SART1: variants seen among roughly 807,000 people sequenced by gnomAD.
SART1 encodes spliceosome associated factor 1, recruiter of U4/U6.U5 tri-snRNP.
SART1 carries 28 observed loss-of-function variants against 105.0 expected under a neutral mutation model. The ratio of observed to expected loss-of-function variants is 0.27; its 90% CI spans 0.20 to 0.37. The LOEUF (loss-of-function observed/expected upper bound fraction) is 0.37, where lower values mean the gene tolerates loss of function less well. SART1 is among the 10% of genes least tolerant of loss of function. The pLI is 1.00. For missense variants in SART1, 894 were observed against 1,106.5 expected, an observed-to-expected ratio of 0.81 and a Z score of 2.72; for synonymous variants, 472 against 462.9, an observed-to-expected ratio of 1.02 and a Z score of -0.25.
In SART1 at chr11:65,976,624, G is replaced by A. The variant is rs777282037; in HGVS notation, c.1747-32G>A. 1 of 1,613,414 alleles carries A rather than the reference G, an allele frequency of 6.2e-7. No individual in the cohort carries two copies. The highest frequency in any genetic ancestry group is 8.5e-7 in the Non-Finnish European group (1 of 1,179,794). On this transcript the variant is annotated intron_variant, in intron 13 of 19. Coordinates refer to ENST00000312397, the MANE Select transcript of SART1 (RefSeq NM_005146.5). This position sits in a 1 kb window ranked among gnomAD's most constrained non-coding sequence, Gnocchi z 5.1. ...CCCTCGGCTGGGTGGGCTGGCTGGG[G>A]CCTGGGCCGACCCTGGTCTTTTGTG... is the stretch of plus-strand genomic sequence containing the variant.
rs144821079 is a variant in SART1, at chr11:65,963,385, G to T, written c.314-689G>T. Among the ~76,000 whole-genome samples, 1,228 of 152,262 alleles carry T rather than the reference G, an allele frequency of 8.1e-3. 17 individuals carry two copies. Among genetic ancestry groups the T allele is most frequent in the African/African-American group, 0.027 (1,125 of 41,522 alleles). On this transcript the variant is annotated intron_variant, in intron 1 of 19. Transcript: ENST00000312397. The stretch of plus-strand genomic sequence containing the variant: ...TGGTGACCTTGGGGAGCCTGGAGAG[G>T]TTGGGATCCATGGCCCAGGTGGAGA...
Position 65,967,753 on chromosome 11 carries a change from C to T in SART1, c.1504C>T (p.Gln502Ter). The T allele has an allele frequency of 6.4e-7, 1 of 1,552,458 alleles. No individual in the cohort carries two copies. Among genetic ancestry groups the T allele is most frequent in the Non-Finnish European group, 8.7e-7 (1 of 1,148,276 alleles). Residue 502 changes from glutamine to a stop codon, truncating the protein, a stop_gained, in exon 12 of 20, where the codon CAG (glutamine) becomes TAG (stop). Transcript: ENST00000312397. LOFTEE classifies it high-confidence loss of function. ...EDEAELELQKQLEKGRRLRQL... is the reference protein window; with the variant it reads ...EDEAELELQK ...CGAGGCGGAGCTGGAGCTGCAGAAG[C>T]AGCTGGAGAAGGGACGCCGGCTGCG...
chr11:65,976,599 C>G lies in SART1; in HGVS notation c.1746+31C>G, dbSNP rs766296058. On this transcript the variant is annotated intron_variant, in intron 13 of 19. Transcript: ENST00000312397. This position sits in a 1 kb window ranked among gnomAD's most constrained non-coding sequence, Gnocchi z 5.1. ...TCTGGGGCGGCCCCGCCCTCTGCTT[C>G]CCTCGGCTGGGTGGGCTGGCTGGGG... 8.1e-6 allele frequency: 13 copies of G among 1,613,482 alleles called. No homozygotes were observed. In the East Asian group the frequency reaches 2.5e-4, roughly 30 times the overall value.
chr11:65,978,545 G>A lies in SART1; in HGVS notation c.2173-55G>A, dbSNP rs1855529045. 6.6e-7 allele frequency: 1 copy of A among 1,520,530 alleles called. No homozygotes were observed. The allele number at this position is 1,520,530 out of a possible 1,614,324, so 94.2% of individuals were successfully genotyped here. On this transcript the variant is annotated intron_variant, in intron 17 of 19. Coordinates refer to ENST00000312397, the MANE Select transcript of SART1 (RefSeq NM_005146.5). The surrounding 1 kb of genome is among the most constrained non-coding windows in gnomAD (Gnocchi z 6.8). ...GTTATTATACACCTTGTGGGCACAGGTGGCTCCGGCCCCACCCAGGGCCCT... is the reference window on the plus strand; with the variant it reads ...GTTATTATACACCTTGTGGGCACAGATGGCTCCGGCCCCACCCAGGGCCCT...
At chr11:65,966,011 TG>T (rs1855246486) in intron 7 of SART1, 25 bp downstream of exon 7, 1 of 1,613,576 alleles carries the variant, frequency 6.2e-7, no homozygotes, top group Non-Finnish European at 8.5e-7. Context: ...GTGCCCTGGG[TG>T]GGGGCACAGC....
In SART1 at chr11:65,978,635, G is replaced by A. The variant is rs1350320300; in HGVS notation, c.2208G>A (p.Lys736=). 6.3e-7 allele frequency: 1 copy of A among 1,583,598 alleles called. No individual in the cohort carries two copies. The highest frequency in any genetic ancestry group is 2.3e-5 in the East Asian group (1 of 43,062). The change falls in exon 18 of 20, where the codon AAG becomes AAA. Residue 736 remains lysine, a synonymous_variant. Transcript: ENST00000312397. This position sits in a 1 kb window ranked among gnomAD's most constrained non-coding sequence, Gnocchi z 6.8. ...FRQLSHRFHG[K]GSGKMKTERR... ...AGCTGTCGCACCGCTTCCATGGCAA[G>A]GGCTCAGGCAAGATGAAGACAGAGC...
At chr11:65,963,428 A>G (rs772162983) in intron 1 of SART1, among the ~76,000 whole-genome samples, 2 of 152,076 alleles carry the variant, frequency 1.3e-5, no homozygotes, top group Non-Finnish European at 2.9e-5. Context: ...CTTTAAGATA[A>G]AGGAGAAGGT....
rs1446548500 is a variant in SART1 at position 65,978,745 on chromosome 11, G to T, written c.2263-48G>T. On this transcript the variant is annotated intron_variant, in intron 18 of 19. Transcript: ENST00000312397. The surrounding 1 kb of genome is among the most constrained non-coding windows in gnomAD (Gnocchi z 6.8). ...GTGCCTGCCGGGGCAGGGGTGGCTGGTGTGTGGGGCCTGCTGCAGCCCTTT... is the reference window on the plus strand; with the variant it reads ...GTGCCTGCCGGGGCAGGGGTGGCTGTTGTGTGGGGCCTGCTGCAGCCCTTT... 1 of 1,613,824 alleles carries T rather than the reference G, an allele frequency of 6.2e-7. No individual in the cohort carries two copies. The highest frequency in any genetic ancestry group is 2.2e-5 in the East Asian group (1 of 44,870).
At chr11:65,967,233 C>T (rs1324538201) in intron 9 of SART1, 26 bp from the exon 10 acceptor site, 1 of 1,610,540 alleles carries the variant, frequency 6.2e-7, no homozygotes, top group Non-Finnish European at 8.5e-7. Flanking sequence ...GGCCCCCGCT[C>T]CATGTCTCGC....
chr11:65,977,530 G>A, intron 15 of SART1, 33 bp from the exon 16 acceptor site: 1 of 1,589,030 alleles, frequency 6.3e-7, no homozygotes, highest in South Asian at 1.1e-5. Context: ...GGCTCTCGAG[G>A]GGTTGGGAGT....
chr11:65,963,324 C>G (rs991732675), intron 1 of SART1, among the ~76,000 whole-genome samples: 4 of 152,128 alleles, frequency 2.6e-5, no homozygotes, highest in Admixed American at 1.3e-4. Context: ...AAAACCAGAA[C>G]CGAAAAGAAC....
rs1199440141 is a variant in SART1 at position 65,979,514 on chromosome 11, GT to G, written c.*486del. 1 of 174,852 alleles carries G rather than the reference GT, an allele frequency of 5.7e-6. No individual in the cohort carries two copies. Among genetic ancestry groups the G allele is most frequent in the Non-Finnish European group, 1.2e-5 (1 of 82,764 alleles). The allele number at this position is 174,852 out of a possible 1,614,324, so 10.8% of individuals were successfully genotyped here. A position where few individuals can be genotyped will look rare whatever the true frequency, so the allele number is the denominator to read the frequency against. ...TGTCTAGAGGAGTGAAACTCCCAGG[GT>G]TGGGCTGGGAGTATTTGGTGCACGC... On this transcript the variant is annotated 3_prime_UTR_variant, in exon 20 of 20. Transcript: ENST00000312397.
intron 2 of SART1, 67 bp downstream of exon 2, chr11:65,964,198 G>C: frequency 7.4e-7 from 1 of 1,351,096 alleles, no homozygotes; most frequent in Non-Finnish European, 1.1e-6. Context: ...CCAGCACGGG[G>C]GAGGCTTTCT....
intron 12 of SART1, among the ~76,000 whole-genome samples, chr11:65,969,337 C>A (rs1484377758): frequency 2.0e-5 from 3 of 152,160 alleles, no homozygotes; most frequent in African/African-American, 4.8e-5. Flanking sequence ...TAAAAAGGAA[C>A]AGAGAAATGG....
At position 65,961,788 on chromosome 11, in the gene SART1, C is replaced by T. The variant is rs1565311013; in HGVS notation, c.8C>T (p.Ser3Leu). Residue 3 changes from serine (S) to leucine (L), a missense_variant, in exon 1 of 20, where the codon TCG becomes TTG. By Grantham distance (145) the Ser-to-Leu change is moderately radical. Around this residue, in one of 2 missense-constraint regions of SART1, gnomAD observed 712 missense variants for 778.2 expected, o/e 0.91. Coordinates refer to ENST00000312397, the MANE Select transcript of SART1 (RefSeq NM_005146.5). Reference sequence around the variant, plus strand: ...CGGAGTGGACGTGCCACTATGGGGTCGTCCAAGAAGCATCGCGGAGAGAAG... The same window carrying T: ...CGGAGTGGACGTGCCACTATGGGGTTGTCCAAGAAGCATCGCGGAGAGAAG... MG[S>L]SKKHRGEKEA... 6.5e-7 allele frequency: 1 copy of T among 1,535,386 alleles called. No homozygotes were observed. The highest frequency in any genetic ancestry group is 8.7e-7 in the Non-Finnish European group (1 of 1,148,948).
At chr11:65,967,653 G>C in intron 11 of SART1, 26 bp from the exon 12 acceptor site, 1 of 1,587,930 alleles carries the variant, frequency 6.3e-7, no homozygotes. Flanking sequence ...GATGGTCTGA[G>C]CAGGCATCCC....
In SART1 at chr11:65,974,159, G is replaced by A. The variant is rs184498165; in HGVS notation, c.1573-2236G>A. Among the ~76,000 whole-genome samples the A allele has an allele frequency of 6.9e-3, 949 of 136,824 alleles. 5 individuals carry two copies. Among genetic ancestry groups the A allele is most frequent in the Admixed American group, 0.01 (132 of 12,744 alleles). The allele number at this position is 136,824 out of a possible 152,430, so 89.8% of individuals were successfully genotyped here. ...AGGTGGATCACAAGATCAGGAGATT[G>A]AGACCATCCTGGCTAACATGGTGAA... On this transcript the variant is annotated intron_variant, in intron 12 of 19. Transcript: ENST00000312397.
At position 65,979,462 on chromosome 11, in the gene SART1, C is replaced by T; in HGVS notation, c.*432C>T. 4.3e-6 allele frequency: 1 copy of T among 235,046 alleles called. No homozygotes were observed. The highest frequency in any genetic ancestry group is 8.4e-6 in the Non-Finnish European group (1 of 118,862). The allele number at this position is 235,046 out of a possible 1,614,324, so 14.6% of individuals were successfully genotyped here. ...TAGGGCACAGGTGCCACCTTCTGTC[C>T]TGGCTGTCCTGTGCCACCCTGGTCT... On this transcript the variant is annotated 3_prime_UTR_variant, in exon 20 of 20. Transcript: ENST00000312397.
chr11:65,968,648 TA>T (rs1173582375), intron 12 of SART1, among the ~76,000 whole-genome samples: 1 of 151,982 alleles, frequency 6.6e-6, no homozygotes, highest in Non-Finnish European at 1.5e-5. Flanking sequence ...TGCGGGGGGT[TA>T]GGGGTGGCAG....
Sources: allele counts gnomAD v4.1 joint callset (sites outside exome capture counted in the v4.1 genomes callset), GRCh38; gene constraint gnomAD v4.1.1; regional missense constraint gnomAD v4.1.1; non-coding constraint Gnocchi (gnomAD v3.1); transcripts MANE v1.5; gene names NCBI Gene and HGNC (gene_info 2026-07-23, HGNC 2026-07-21).